Variants in ACBD6 observed in about 807,000 individuals in gnomAD.
The protein encoded by ACBD6 is acyl-CoA binding domain containing 6.
Under a neutral mutation model 37.2 loss-of-function variants are expected in ACBD6, and 28 were observed. The ratio of observed to expected loss-of-function variants is 0.75; its 90% CI spans 0.56 to 1.03. The LOEUF (loss-of-function observed/expected upper bound fraction) is 1.03. Ranked by LOEUF, ACBD6 falls within the 50% of genes least tolerant of loss-of-function variation. ACBD6 has a pLI of 0.00. For synonymous variants in ACBD6, 113 were observed against 126.8 expected, an observed-to-expected ratio of 0.89 and a Z score of 0.73; for missense variants, 340 against 337.4, an observed-to-expected ratio of 1.01 and a Z score of -0.06.
chr1:180,449,272 C>T lies in ACBD6; in HGVS notation c.385-19010G>A, dbSNP rs1288985504. The stretch of plus-strand genomic sequence containing the variant: ...TTTCCGAAATTGTGAATCCCAACTT[C>T]TAAAGCAGAATTCTCAAAATCTTAT... On this transcript the variant is annotated intron_variant, in intron 3 of 7. Transcript: ENST00000367595. 3.3e-5 allele frequency among the ~76,000 whole-genome samples: 5 copies of T among 152,290 alleles called. No individual in the cohort carries two copies. The East Asian group carries it at 5.8e-4, about 18-fold the overall frequency.
intron 5 of ACBD6, among the ~76,000 whole-genome samples, chr1:180,407,372 T>A (rs1053200325): frequency 6.6e-6 from 1 of 152,202 alleles, no homozygotes; most frequent in African/African-American, 2.4e-5. Context: ...AGTAACAAAA[T>A]GGCAGAAACA....
chr1:180,493,276 A>AAC (rs1651593789), intron 2 of ACBD6, among the ~76,000 whole-genome samples: 1 of 113,462 alleles, frequency 8.8e-6, no homozygotes, highest in Non-Finnish European at 1.8e-5. Flanking sequence ...AAAAAAAAAA[A>AAC]AACAACAACA....
At chr1:180,494,368 C>T (rs1349426808) in intron 2 of ACBD6, among the ~76,000 whole-genome samples, 2 of 152,062 alleles carry the variant, frequency 1.3e-5, no homozygotes, top group African/African-American at 2.4e-5. Context: ...TCACTGTCAA[C>T]GTTAACATCA....
intron 3 of ACBD6, among the ~76,000 whole-genome samples, chr1:180,442,598 C>T (rs1405103587): frequency 2.0e-5 from 3 of 152,122 alleles, no homozygotes; most frequent in Non-Finnish European, 4.4e-5. Context: ...TATATGAATG[C>T]TACATTGCTT....
intron 3 of ACBD6, among the ~76,000 whole-genome samples, chr1:180,434,252 A>T (rs963060728): frequency 1.3e-5 from 2 of 152,210 alleles, no homozygotes; most frequent in African/African-American, 4.8e-5. Context: ...TATCAATAAG[A>T]TATCAAATTC....
At chr1:180,501,968 T>A in intron 1 of ACBD6, 77 bp downstream of exon 1, 3 of 1,319,214 alleles carry the variant, frequency 2.3e-6, no homozygotes, top group Non-Finnish European at 3.2e-6. Flanking sequence ...CTATTAACCA[T>A]ACATGCTTGC....
chr1:180,472,626 A>T (rs1307378770), intron 3 of ACBD6, among the ~76,000 whole-genome samples: 1 of 152,208 alleles, frequency 6.6e-6, no homozygotes, highest in Non-Finnish European at 1.5e-5. Flanking sequence ...ACAGTAATTG[A>T]ACTGGATGAT....
chr1:180,300,811 C>T (rs1288087934), intron 7 of ACBD6, among the ~76,000 whole-genome samples: 1 of 152,082 alleles, frequency 6.6e-6, no homozygotes, highest in Non-Finnish European at 1.5e-5. Context: ...ACATTTACTC[C>T]CAAGTACAGT....
chr1:180,476,455 T>G (rs181416587), intron 3 of ACBD6, among the ~76,000 whole-genome samples: 9 of 152,262 alleles, frequency 5.9e-5, no homozygotes, highest in South Asian at 2.1e-4. Flanking sequence ...TGCACACATA[T>G]AGGCTAATAC....
intron 6 of ACBD6, among the ~76,000 whole-genome samples, chr1:180,352,086 T>C (rs564419771): frequency 4.6e-5 from 7 of 152,170 alleles, no homozygotes; most frequent in African/African-American, 1.2e-4. Flanking sequence ...ATGAGGTACA[T>C]GTAGTCAAAT....
intron 3 of ACBD6, among the ~76,000 whole-genome samples, chr1:180,431,928 AGG>A (rs1648827516): frequency 1.3e-5 from 2 of 152,232 alleles, no homozygotes; most frequent in African/African-American, 4.8e-5. Context: ...ATGACAGGCC[AGG>A]TGCAATGGCT....
chr1:180,382,875 T>C (rs1410071389), intron 6 of ACBD6, among the ~76,000 whole-genome samples: 2 of 152,194 alleles, frequency 1.3e-5, no homozygotes, highest in Non-Finnish European at 2.9e-5. Flanking sequence ...ATCCCAGGGA[T>C]GTAAGGATGG....
chr1:180,433,731 GGT>G (rs1347744005), intron 3 of ACBD6, among the ~76,000 whole-genome samples: 3 of 151,994 alleles, frequency 2.0e-5, no homozygotes, highest in Admixed American at 6.6e-5. Context: ...TACATAATTA[GGT>G]GTGTCAGGCC....
exon 14 of ACBD6, chr1:180,271,436 G>C (rs1472617051): frequency 3.1e-6 from 5 of 1,614,194 alleles, no homozygotes; most frequent in Non-Finnish European, 4.2e-6. Context: ...CAAGCAGCTG[G>C]AGACATTAAA....
intron 6 of ACBD6, among the ~76,000 whole-genome samples, chr1:180,345,615 C>T (rs1317725587): frequency 6.6e-6 from 1 of 152,040 alleles, no homozygotes; most frequent in Non-Finnish European, 1.5e-5. Flanking sequence ...TGTCCAACAA[C>T]ACAGGGAAAG....
intron 3 of ACBD6, among the ~76,000 whole-genome samples, chr1:180,490,836 G>A (rs1651468507): frequency 6.6e-6 from 1 of 150,486 alleles, no homozygotes; most frequent in South Asian, 2.1e-4. Flanking sequence ...GTGTAGTGGT[G>A]TGCACCTATA....
At chr1:180,445,268 G>C (rs1649432832) in intron 3 of ACBD6, among the ~76,000 whole-genome samples, 1 of 152,128 alleles carries the variant, frequency 6.6e-6, no homozygotes, top group Non-Finnish European at 1.5e-5. Flanking sequence ...GTGATGTGGG[G>C]ACTTAAAATA....
At chr1:180,416,893 A>G (rs1558290798) in intron 4 of ACBD6, among the ~76,000 whole-genome samples, 1 of 152,208 alleles carries the variant, frequency 6.6e-6, no homozygotes. Flanking sequence ...AACTACAAAA[A>G]TTATGGAAGG....
intron 6 of ACBD6, among the ~76,000 whole-genome samples, chr1:180,318,961 T>A (rs769717379): frequency 2.0e-5 from 3 of 152,212 alleles, no homozygotes; most frequent in Non-Finnish European, 4.4e-5. Flanking sequence ...TGTAAGCTTG[T>A]CTATGCATTT....
Sources: gnomAD v4.1 joint callset for allele counts (sites outside exome capture counted in the v4.1 genomes callset) on GRCh38, gnomAD v4.1.1 for gene constraint, MANE v1.5 for transcripts, NCBI Gene and HGNC (gene_info 2026-07-23, HGNC 2026-07-21) for gene names.